BBX: variants seen among roughly 807,000 people sequenced by gnomAD.
BBX encodes BBX high mobility group box domain containing.
In BBX, 30 loss-of-function variants were observed where a neutral mutation model predicts 100.2. That is an observed-to-expected ratio of 0.30 (90% CI 0.22 to 0.41). The LOEUF (loss-of-function observed/expected upper bound fraction) is 0.41, where lower values mean the gene tolerates loss of function less well. Among genes scored for constraint, BBX ranks in the 10% least tolerant of loss-of-function variants. BBX has a pLI of 1.00. For synonymous variants in BBX, 376 were observed against 388.1 expected (o/e 0.97, Z 0.37); for missense variants, 1,023 against 1,129.8 (o/e 0.91, Z 1.35).
intron 9 of BBX, among the ~76,000 whole-genome samples, chr3:107,750,152 T>A (rs2064965247): frequency 6.6e-6 from 1 of 152,166 alleles, no homozygotes; most frequent in East Asian, 1.9e-4. Context: ...CTAAGTTTTC[T>A]TCTAGAGAAG....
chr3:107,539,142 A>T (rs192399907), intron 2 of BBX, among the ~76,000 whole-genome samples: 1 of 152,134 alleles, frequency 6.6e-6, no homozygotes, highest in Non-Finnish European at 1.5e-5. Context: ...AATGTCCTTT[A>T]TCATAACTAT....
intron 3 of BBX, among the ~76,000 whole-genome samples, chr3:107,706,070 T>A (rs897594339): frequency 1.4e-5 from 2 of 147,204 alleles, no homozygotes; most frequent in Non-Finnish European, 3.0e-5. Context: ...GTAGCCAGAC[T>A]GGAGTGCAGT....
At chr3:107,643,908 T>C (rs1005443011) in intron 2 of BBX, among the ~76,000 whole-genome samples, 2 of 152,140 alleles carry the variant, frequency 1.3e-5, no homozygotes, top group African/African-American at 4.8e-5. Context: ...CCCTCAGCCT[T>C]GAAACTGATG....
At chr3:107,742,303 C>T (rs1482140306) in intron 7 of BBX, among the ~76,000 whole-genome samples, 8 of 151,712 alleles carry the variant, frequency 5.3e-5, no homozygotes, top group African/African-American at 1.9e-4. Flanking sequence ...TCCTTCCCAA[C>T]CCTCCTTTTT....
intron 2 of BBX, among the ~76,000 whole-genome samples, chr3:107,624,514 C>T (rs2056024815): frequency 6.6e-6 from 1 of 152,138 alleles, no homozygotes; most frequent in African/African-American, 2.4e-5. Flanking sequence ...CAGTTTTTAT[C>T]ACTAAAAATG....
intron 7 of BBX, among the ~76,000 whole-genome samples, chr3:107,734,014 T>A (rs1455219044): frequency 6.6e-6 from 1 of 152,192 alleles, no homozygotes; most frequent in Non-Finnish European, 1.5e-5. Flanking sequence ...ATGGAAATTT[T>A]TCAATCCCCA....
chr3:107,695,562 A>G (rs1234788649), intron 3 of BBX, among the ~76,000 whole-genome samples: 1 of 149,560 alleles, frequency 6.7e-6, no homozygotes, highest in Non-Finnish European at 1.5e-5. Context: ...TCTGAGAGAG[A>G]GTTTGTTATA....
chr3:107,649,841 T>C (rs567058178), intron 3 of BBX, among the ~76,000 whole-genome samples: 177 of 152,222 alleles, frequency 1.2e-3, no homozygotes, highest in African/African-American at 3.8e-3. Context: ...TTCTTGCCAC[T>C]GGGAATTTGC....
chr3:107,726,425 CTCTA>C (rs2062939968), intron 5 of BBX, among the ~76,000 whole-genome samples: 1 of 151,024 alleles, frequency 6.6e-6, no homozygotes, highest in Non-Finnish European at 1.5e-5. Context: ...TTATTCTGTT[CTCTA>C]TCTCTCACGT....
At chr3:107,797,508 A>C (rs946803032) in intron 15 of BBX, among the ~76,000 whole-genome samples, 3 of 151,464 alleles carry the variant, frequency 2.0e-5, no homozygotes, top group Admixed American at 2.0e-4. Flanking sequence ...AAGAAATTGG[A>C]TAGTTAAAAA....
rs1576475378 is a variant in BBX, at chr3:107,716,409, C to CATCA, written c.163-198_163-197insATCA. ...AGACATGCACAGGTTGCTATAGAAA[C>CATCA]TAAGCAGAAGGATACATCATAAGTT... On this transcript the variant is annotated intron_variant, in intron 4 of 17. Coordinates refer to ENST00000325805, the MANE Select transcript of BBX (RefSeq NM_001142568.3). 4.9e-6 allele frequency: 3 copies of CATCA among 614,004 alleles called. No homozygotes were observed. In the East Asian group the frequency reaches 8.7e-5, roughly 18 times the overall value. 38.0% of individuals were successfully genotyped at this position (614,004 alleles called of 1,614,324 possible).
Position 107,563,831 on chromosome 3 carries a change from TG to T in BBX, c.-84+37434del, listed in dbSNP as rs1236139251. On this transcript the variant is annotated intron_variant, in intron 2 of 17. Transcript: ENST00000325805. ...TGACATGTATTAAACACTCAGCAAA[TG>T]TTTGTGTTTGGATACTGAGTGAATA... 2.6e-5 allele frequency among the ~76,000 whole-genome samples: 4 copies of T among 152,268 alleles called. No homozygotes were observed. The East Asian group carries it at 7.7e-4, about 29-fold the overall frequency.
chr3:107,801,202 A>G lies in BBX; in HGVS notation c.2659A>G (p.Thr887Ala), dbSNP rs147247035. The change falls in exon 17 of 18, where the codon ACT becomes GCT. Residue 887 changes from threonine (T) to alanine (A), a missense_variant. This residue lies in a region of BBX where 104 missense variants were observed against 132.2 expected (regional missense o/e 0.79). Transcript: ENST00000325805. ...NTEVGETRSS[T>A]PEMPAVSAFF... is the part of the protein sequence containing the mutation. ...CGAGGTCGGGGAGACGCGGAGCAGT[A>G]CTCCAGAAATGCCTGCCGTGTCTGC... 1 of 1,614,152 alleles carries G rather than the reference A, an allele frequency of 6.2e-7. No individual in the cohort carries two copies. The highest frequency in any genetic ancestry group is 8.5e-7 in the Non-Finnish European group (1 of 1,180,022).
intron 9 of BBX, among the ~76,000 whole-genome samples, chr3:107,750,739 C>T (rs931892932): frequency 6.6e-6 from 1 of 152,116 alleles, no homozygotes. Flanking sequence ...AGAAAAATAT[C>T]TACTAAAATC....
At chr3:107,763,320 G>T (rs1256474706) in intron 10 of BBX, among the ~76,000 whole-genome samples, 1 of 151,396 alleles carries the variant, frequency 6.6e-6, no homozygotes, top group East Asian at 1.9e-4. Context: ...CGCCTCCCGG[G>T]TTCACGCCAC....
At chr3:107,636,566 A>G (rs1396066346) in intron 2 of BBX, among the ~76,000 whole-genome samples, 1 of 152,208 alleles carries the variant, frequency 6.6e-6, no homozygotes, top group Non-Finnish European at 1.5e-5. Flanking sequence ...TATTACAGGT[A>G]TCTCTCAGGC....
chr3:107,548,058 G>A (rs1258463212), intron 2 of BBX, among the ~76,000 whole-genome samples: 2 of 152,052 alleles, frequency 1.3e-5, no homozygotes, highest in African/African-American at 4.8e-5. Flanking sequence ...TAATTAAGTT[G>A]GTGTTTTAAA....
At chr3:107,609,794 C>T (rs1340276892) in intron 2 of BBX, among the ~76,000 whole-genome samples, 2 of 151,652 alleles carry the variant, frequency 1.3e-5, no homozygotes, top group Non-Finnish European at 2.9e-5. Context: ...TAAGGTTTGT[C>T]AATTTATTTA....
At chr3:107,749,824 G>A (rs1327438225) in intron 9 of BBX, among the ~76,000 whole-genome samples, 2 of 152,038 alleles carry the variant, frequency 1.3e-5, no homozygotes, top group Non-Finnish European at 2.9e-5. Flanking sequence ...AGTAGAGACG[G>A]GATTTCGCCA....
Sources: allele counts gnomAD v4.1 joint callset (sites outside exome capture counted in the v4.1 genomes callset), GRCh38; gene constraint gnomAD v4.1.1; regional missense constraint gnomAD v4.1.1; transcripts MANE v1.5; gene names NCBI Gene and HGNC (gene_info 2026-07-23, HGNC 2026-07-21).